The following SPMAP2L variants were observed in gnomAD, a reference collection of about 807,000 sequenced individuals.
SPMAP2L encodes sperm microtubule associated protein 2-like.
chr4:56,616,043 T>C, the SPMAP2L span, among the ~76,000 whole-genome samples: 1 of 152,160 alleles, frequency 6.6e-6, no homozygotes, highest in African/African-American at 2.4e-5. Flanking sequence ...AGTGAGCATT[T>C]CTAAGGAGCT....
At chr4:56,564,820 TAAG>T in the SPMAP2L span, among the ~76,000 whole-genome samples, 1 of 152,242 alleles carries the variant, frequency 6.6e-6, no homozygotes, top group African/African-American at 2.4e-5. Flanking sequence ...CATTTTCCTC[TAAG>T]TATTGTTTTA....
At chr4:56,607,814 C>A in the SPMAP2L span, among the ~76,000 whole-genome samples, 1 of 151,596 alleles carries the variant, frequency 6.6e-6, no homozygotes, top group African/African-American at 2.4e-5. Flanking sequence ...ATAGGGACAC[C>A]CCATTTTTAT....
the SPMAP2L span, among the ~76,000 whole-genome samples, chr4:56,605,510 T>C: frequency 6.6e-6 from 1 of 152,210 alleles, no homozygotes; most frequent in Non-Finnish European, 1.5e-5. Context: ...ACAACTGGGT[T>C]GGATGCTGAT....
chr4:56,552,676 T>C, the SPMAP2L span: 9 of 910,508 alleles, frequency 9.9e-6, no homozygotes, highest in South Asian at 1.0e-4. Flanking sequence ...AACAGGTAAG[T>C]ATTATTTATC....
chr4:56,611,052 A>G, the SPMAP2L span, among the ~76,000 whole-genome samples: 1 of 152,230 alleles, frequency 6.6e-6, no homozygotes, highest in Admixed American at 6.5e-5. Flanking sequence ...TTAGAAAACT[A>G]AAAGTAGAAC....
the SPMAP2L span, chr4:56,601,248 A>T: frequency 9.1e-6 from 8 of 880,666 alleles, no homozygotes; most frequent in Non-Finnish European, 1.3e-5. Context: ...AACGAATTAC[A>T]TTTATTGTGA....
At chr4:56,603,351 T>G in the SPMAP2L span, 7 of 1,485,538 alleles carry the variant, frequency 4.7e-6, no homozygotes, top group African/African-American at 9.7e-5. Flanking sequence ...AGTCAGACCC[T>G]GGTTATGTAT....
the SPMAP2L span, among the ~76,000 whole-genome samples, chr4:56,605,252 T>A: frequency 2.6e-5 from 4 of 152,326 alleles, no homozygotes; most frequent in African/African-American, 9.6e-5. Context: ...ATTAAATGAA[T>A]GTCTGTTGAG....
chr4:56,619,464 C>T, the SPMAP2L span, among the ~76,000 whole-genome samples: 3 of 152,198 alleles, frequency 2.0e-5, no homozygotes, highest in African/African-American at 7.2e-5. Context: ...GTTTTAGATA[C>T]CTCATGTAAG....
the SPMAP2L span, among the ~76,000 whole-genome samples, chr4:56,620,392 T>TG: frequency 6.6e-6 from 1 of 151,964 alleles, no homozygotes; most frequent in East Asian, 1.9e-4. Flanking sequence ...TCTAGTTTTT[T>TG]TTTTTTTTTT....
the SPMAP2L span, among the ~76,000 whole-genome samples, chr4:56,586,641 A>G: frequency 6.6e-6 from 1 of 152,214 alleles, no homozygotes; most frequent in Non-Finnish European, 1.5e-5. Flanking sequence ...GTTCCTTCAT[A>G]TGGTCTCTCC....
chr4:56,554,714 T>G, the SPMAP2L span, among the ~76,000 whole-genome samples: 1 of 150,498 alleles, frequency 6.6e-6, no homozygotes, highest in Non-Finnish European at 1.5e-5. Flanking sequence ...GCTTTTGGTG[T>G]TGTTTCTAAA....
At chr4:56,558,159 G>C in the SPMAP2L span, among the ~76,000 whole-genome samples, 1 of 151,998 alleles carries the variant, frequency 6.6e-6, no homozygotes, top group Non-Finnish European at 1.5e-5. Context: ...GTAGAGACAG[G>C]GTTTCACCAT....
chr4:56,609,847 A>T, the SPMAP2L span, among the ~76,000 whole-genome samples: 1 of 152,116 alleles, frequency 6.6e-6, no homozygotes. Context: ...TTGATTTTGA[A>T]CTTCCCAGGC....
chr4:56,594,253 A>G, the SPMAP2L span: 26 of 1,589,732 alleles, frequency 1.6e-5, no homozygotes, highest in Non-Finnish European at 1.9e-5. Flanking sequence ...ACTCTGAAAC[A>G]AATATTGTCC....
chr4:56,593,020 T>C, the SPMAP2L span: 1 of 1,598,256 alleles, frequency 6.3e-7, no homozygotes. Context: ...CAACTCTGCA[T>C]GCCATTTCAA....
the SPMAP2L span, among the ~76,000 whole-genome samples, chr4:56,544,516 C>G: frequency 0.13 from 19,493 of 151,848 alleles, 1,300 homozygotes; most frequent in East Asian, 0.2. Flanking sequence ...TTTGAAGAGG[C>G]GAAAAAACGT....
the SPMAP2L span, among the ~76,000 whole-genome samples, chr4:56,553,435 C>T: frequency 2.0e-5 from 3 of 151,412 alleles, no homozygotes; most frequent in Non-Finnish European, 2.9e-5. Flanking sequence ...TTAAGTGATC[C>T]TCCCATCTTG....
At chr4:56,586,086 G>C in the SPMAP2L span, among the ~76,000 whole-genome samples, 1,039 of 152,226 alleles carry the variant, frequency 6.8e-3, 9 homozygotes, top group Middle Eastern at 0.031. Context: ...TGATGTCTGG[G>C]GCCTCAGCTG....
Sources: gnomAD v4.1 joint callset for allele counts (sites outside exome capture counted in the v4.1 genomes callset) on GRCh38, gnomAD v4.1.1 for gene constraint, MANE v1.5 for transcripts, NCBI Gene and HGNC (gene_info 2026-07-23, HGNC 2026-07-21) for gene names.